The following ESRRG variants were observed in gnomAD, a reference collection of about 807,000 sequenced individuals.
The protein encoded by ESRRG is estrogen-related receptor gamma.
In ESRRG, 13 loss-of-function variants were observed where a neutral mutation model predicts 44.0. The ratio of observed to expected loss-of-function variants is 0.30; its 90% confidence interval spans 0.19 to 0.47. The LOEUF (loss-of-function observed/expected upper bound fraction) is 0.47, where lower values mean the gene tolerates loss of function less well. Ranked by LOEUF, ESRRG falls within the 20% of genes least tolerant of loss-of-function variation. The probability of loss-of-function intolerance (pLI) is 1.00; values close to 1 mark genes in which losing one functional copy is unlikely to be tolerated. For synonymous variants in ESRRG, 215 were observed against 214.6 expected, an observed-to-expected ratio of 1.00 and a Z score of -0.02; for missense variants, 395 against 580.6, an observed-to-expected ratio of 0.68 and a Z score of 3.29.
intron 5 of ESRRG, among the ~76,000 whole-genome samples, chr1:216,539,695 A>C (rs1342533654): frequency 6.6e-6 from 1 of 152,080 alleles, no homozygotes; most frequent in African/African-American, 2.4e-5. Context: ...TACACATACT[A>C]GGTGCTCTAT....
At chr1:216,872,139 T>C (rs2096267563) in intron 2 of ESRRG, among the ~76,000 whole-genome samples, 1 of 152,160 alleles carries the variant, frequency 6.6e-6, no homozygotes, top group African/African-American at 2.4e-5. Flanking sequence ...CCTTCTACCC[T>C]CTATGGTTTC....
chr1:216,687,313 G>A (rs1178242935), intron 1 of ESRRG, among the ~76,000 whole-genome samples: 1 of 152,108 alleles, frequency 6.6e-6, no homozygotes, highest in African/African-American at 2.4e-5. Flanking sequence ...CCTGCAATCA[G>A]TGTTTAAGTG....
In ESRRG at chr1:216,507,187, T is replaced by C. The variant is rs1234512631; in HGVS notation, c.1133-4A>G. ...ACATCTTCTATGTGCATGGAGTCTG[T>C]GCAATGAAGCAAAAGATATGAGTAA... On this transcript the variant is annotated splice_polypyrimidine_tract_variant and splice_region_variant and intron_variant, in intron 6 of 6. Coordinates refer to ENST00000408911, the MANE Select transcript of ESRRG (RefSeq NM_001438.4). 1 of 1,585,138 alleles carries C rather than the reference T, an allele frequency of 6.3e-7. No homozygotes were observed. Among genetic ancestry groups the C allele is most frequent in the East Asian group, 2.2e-5 (1 of 44,536 alleles).
intron 1 of ESRRG, among the ~76,000 whole-genome samples, chr1:217,102,076 G>T (rs541495696): frequency 6.6e-6 from 1 of 152,318 alleles, no homozygotes; most frequent in African/African-American, 2.4e-5. Flanking sequence ...AAAGTGCTGG[G>T]ACTACAGGTG....
chr1:216,958,521 G>C (rs1419950286), intron 1 of ESRRG, among the ~76,000 whole-genome samples: 1 of 152,080 alleles, frequency 6.6e-6, no homozygotes, highest in Non-Finnish European at 1.5e-5. Context: ...CTCTGATGAT[G>C]ATTGTGAATA....
At chr1:216,707,515 T>C in intron 1 of ESRRG, 1 of 1,517,930 alleles carries the variant, frequency 6.6e-7, no homozygotes, top group South Asian at 1.2e-5. Flanking sequence ...AAAGTTAGGG[T>C]GAAAGTTGCA....
At chr1:216,970,411 G>T (rs1242060257) in intron 1 of ESRRG, among the ~76,000 whole-genome samples, 1 of 152,162 alleles carries the variant, frequency 6.6e-6, no homozygotes, top group Admixed American at 6.5e-5. Flanking sequence ...TAAAAACATA[G>T]TGTCTTCTTC....
rs1253006684 is a variant in ESRRG at position 216,504,458 on chromosome 1, A to T, written c.*2481T>A. ...GATGATTTATCTAGAATCACACTAC[A>T]GTCACTTCTCTACTGAGAAACCACA... On this transcript the variant is annotated 3_prime_UTR_variant, in exon 7 of 7. Coordinates refer to ENST00000408911, the MANE Select transcript of ESRRG (RefSeq NM_001438.4). 6.6e-6 allele frequency: 1 copy of T among 152,602 alleles called. No individual in the cohort carries two copies. The highest frequency in any genetic ancestry group is 2.4e-5 in the African/African-American group (1 of 41,456). 9.5% of individuals were successfully genotyped at this position (152,602 alleles called of 1,614,324 possible).
intron 1 of ESRRG, among the ~76,000 whole-genome samples, chr1:217,027,258 C>T (rs1171183332): frequency 6.6e-6 from 1 of 152,100 alleles, no homozygotes; most frequent in African/African-American, 2.4e-5. Flanking sequence ...ATAAATACAT[C>T]CTGAACCCAC....
chr1:216,546,763 G>A (rs1388936797), intron 5 of ESRRG, among the ~76,000 whole-genome samples: 1 of 151,768 alleles, frequency 6.6e-6, no homozygotes, highest in African/African-American at 2.4e-5. Flanking sequence ...ATAATGATCA[G>A]GGTTTGGAAT....
At chr1:217,097,724 T>C (rs1004826177) in intron 1 of ESRRG, among the ~76,000 whole-genome samples, 5 of 152,096 alleles carry the variant, frequency 3.3e-5, no homozygotes, top group African/African-American at 1.2e-4. Context: ...ATAAAAGCAA[T>C]TCTCCTCCCT....
At chr1:216,983,868 A>C (rs2074418921) in intron 1 of ESRRG, among the ~76,000 whole-genome samples, 1 of 152,130 alleles carries the variant, frequency 6.6e-6, no homozygotes, top group Admixed American at 6.5e-5. Context: ...TCTTACATAG[A>C]GGTCTTATCT....
At chr1:217,053,955 G>T (rs796577444) in intron 1 of ESRRG, among the ~76,000 whole-genome samples, 24 of 151,870 alleles carry the variant, frequency 1.6e-4, no homozygotes, top group African/African-American at 5.8e-4. Context: ...CTCAGCAGCT[G>T]TGAAGTTGTC....
intron 2 of ESRRG, among the ~76,000 whole-genome samples, chr1:216,781,183 A>T (rs1192689828): frequency 2.6e-5 from 4 of 151,970 alleles, no homozygotes; most frequent in Admixed American, 1.3e-4. Flanking sequence ...TATTGGCACA[A>T]CATATTCATG....
chr1:216,586,350 T>C (rs1173856397), intron 3 of ESRRG, among the ~76,000 whole-genome samples: 1 of 152,302 alleles, frequency 6.6e-6, no homozygotes, highest in South Asian at 2.1e-4. Flanking sequence ...TCGTCATAGA[T>C]GAAAGAAGCA....
At chr1:216,523,513 T>A (rs1018884354) in intron 5 of ESRRG, among the ~76,000 whole-genome samples, 1 of 151,666 alleles carries the variant, frequency 6.6e-6, no homozygotes, top group African/African-American at 2.4e-5. Context: ...TTTTTTTTTT[T>A]TTTTAGCCTG....
intron 3 of ESRRG, among the ~76,000 whole-genome samples, chr1:216,577,670 T>G (rs1206865983): frequency 6.6e-6 from 1 of 152,062 alleles, no homozygotes; most frequent in Non-Finnish European, 1.5e-5. Context: ...GTTGCTGGGT[T>G]GAGAGCCCAC....
rs569357088 is a variant in ESRRG, at chr1:217,010,846, C to T, written c.-105-71173G>A. On this transcript the variant is annotated intron_variant, in intron 1 of 7. Coordinates refer to the ESRRG transcript ENST00000359162. Reference sequence around the variant, plus strand: ...AGCTGTGTGTAGACCAGGAAGCTAACGTAGGAAAATTAAGAGGATAGGGAA... The same window carrying T: ...AGCTGTGTGTAGACCAGGAAGCTAATGTAGGAAAATTAAGAGGATAGGGAA... Among the ~76,000 whole-genome samples the T allele has an allele frequency of 4.6e-5, 7 of 152,192 alleles. No individual in the cohort carries two copies. The East Asian group carries it at 5.8e-4, about 13-fold the overall frequency.
intron 1 of ESRRG, among the ~76,000 whole-genome samples, chr1:217,053,090 A>G (rs1388924474): frequency 2.7e-5 from 4 of 149,566 alleles, no homozygotes; most frequent in Non-Finnish European, 5.9e-5. Context: ...GCTTGAGCCT[A>G]GAAGTTTGAT....
Sources: allele counts gnomAD v4.1 joint callset (sites outside exome capture counted in the v4.1 genomes callset), GRCh38; gene constraint gnomAD v4.1.1; transcripts MANE v1.5; gene names NCBI Gene and HGNC (gene_info 2026-07-23, HGNC 2026-07-21).